The following LRRIQ3 variants were observed in gnomAD, a reference collection of about 807,000 sequenced individuals.
LRRIQ3 encodes the protein leucine-rich repeat and IQ domain-containing protein 3.
A neutral mutation model predicts 59.3 loss-of-function variants in LRRIQ3; 75 were observed. That is an observed-to-expected ratio of 1.26 (90% confidence interval 1.05 to 1.53). The LOEUF (loss-of-function observed/expected upper bound fraction) is 1.53. Ranked by LOEUF, LRRIQ3 falls within the 40% of genes most tolerant of loss-of-function variation. LRRIQ3 has a pLI of 0.00. For synonymous variants in LRRIQ3, 250 were observed against 231.3 expected (o/e 1.08, Z -0.73); for missense variants, 831 against 710.0 (o/e 1.17, Z -1.94).
At chr1:74,172,490 T>A (rs193144075) in intron 3 of LRRIQ3, among the ~76,000 whole-genome samples, 6 of 152,322 alleles carry the variant, frequency 3.9e-5, no homozygotes, top group Admixed American at 3.9e-4. Flanking sequence ...TTAATACTTA[T>A]ATGTGACTAT....
intron 6 of LRRIQ3, among the ~76,000 whole-genome samples, chr1:74,048,871 A>G (rs1370688814): frequency 3.9e-5 from 6 of 152,182 alleles, no homozygotes; most frequent in Non-Finnish European, 7.4e-5. Flanking sequence ...GTATTTACTA[A>G]GAAATGCACT....
intron 5 of LRRIQ3, among the ~76,000 whole-genome samples, chr1:74,107,598 A>G (rs1195032474): frequency 6.7e-6 from 1 of 149,572 alleles, no homozygotes; most frequent in Admixed American, 6.7e-5. Context: ...AAATAATAAA[A>G]TAAGAATAAT....
At chr1:74,071,087 T>C (rs1655014619) in intron 6 of LRRIQ3, among the ~76,000 whole-genome samples, 1 of 149,234 alleles carries the variant, frequency 6.7e-6, no homozygotes, top group Non-Finnish European at 1.5e-5. Flanking sequence ...AATTTTATAG[T>C]TATATATATA....
rs528504887 is a variant in LRRIQ3 at position 74,079,515 on chromosome 1, T to A, written c.868-4725A>T. Among the ~76,000 whole-genome samples the A allele has an allele frequency of 1.5e-4, 23 of 151,970 alleles. 1 individual carries two copies. In the South Asian group the frequency reaches 4.6e-3, roughly 30 times the overall value. On this transcript the variant is annotated intron_variant, in intron 5 of 7. Transcript: ENST00000354431. Reference sequence around the variant, plus strand: ...ATGAGAAATAGTCCTCCTCCTATTATTCTCTATCTCAACATCCTACTTGTT... The same window carrying A: ...ATGAGAAATAGTCCTCCTCCTATTAATCTCTATCTCAACATCCTACTTGTT...
chr1:74,062,491 T>C (rs891787652), intron 6 of LRRIQ3, among the ~76,000 whole-genome samples: 3 of 152,180 alleles, frequency 2.0e-5, no homozygotes, highest in Middle Eastern at 3.4e-3. Context: ...CAGAAAGCAG[T>C]TTGACAATTT....
At chr1:74,121,740 C>A (rs1429221262) in intron 4 of LRRIQ3, among the ~76,000 whole-genome samples, 2 of 114,942 alleles carry the variant, frequency 1.7e-5, no homozygotes, top group East Asian at 6.6e-4. Context: ...CCCCTCCCCC[C>A]ACCCCACAAC....
intron 7 of LRRIQ3, among the ~76,000 whole-genome samples, chr1:74,031,526 A>T (rs1235812949): frequency 1.4e-5 from 2 of 148,098 alleles, no homozygotes; most frequent in East Asian, 4.2e-4. Context: ...AAAACCAAAC[A>T]CCGCATGTTC....
intron 3 of LRRIQ3, among the ~76,000 whole-genome samples, chr1:74,172,026 G>A (rs1313257560): frequency 6.6e-6 from 1 of 151,876 alleles, no homozygotes; most frequent in Non-Finnish European, 1.5e-5. Context: ...TTATTGCTGA[G>A]TTTGTCTATC....
chr1:74,060,188 T>TTTCTTC (rs1322871460), intron 6 of LRRIQ3, among the ~76,000 whole-genome samples: 1,690 of 111,600 alleles, frequency 0.015, 69 homozygotes, highest in Admixed American at 0.019. Flanking sequence ...TCTTCTTCTT[T>TTTCTTC]TTCTTCTTCT....
At chr1:74,189,459 TA>T (rs1203223124) in intron 1 of LRRIQ3, among the ~76,000 whole-genome samples, 1 of 152,062 alleles carries the variant, frequency 6.6e-6, no homozygotes, top group Non-Finnish European at 1.5e-5. Flanking sequence ...TCCTTATCTG[TA>T]AAAAGAAGAT....
chr1:74,127,511 T>A (rs1646953428), intron 4 of LRRIQ3, among the ~76,000 whole-genome samples: 1 of 151,930 alleles, frequency 6.6e-6, no homozygotes, highest in African/African-American at 2.4e-5. Context: ...GAAGATACCA[T>A]GACCCTTGCA....
At chr1:74,059,322 G>A (rs901806481) in intron 6 of LRRIQ3, among the ~76,000 whole-genome samples, 1 of 146,502 alleles carries the variant, frequency 6.8e-6, no homozygotes, top group Non-Finnish European at 1.5e-5. Context: ...CCCAAGTTAA[G>A]GTTACAAAGG....
At position 74,182,868 on chromosome 1, in the gene LRRIQ3, T is replaced by C. The variant is rs769917961; in HGVS notation, c.250-7A>G. 7.2e-7 allele frequency: 1 copy of C among 1,387,280 alleles called. No individual in the cohort carries two copies. The highest frequency in any genetic ancestry group is 9.6e-7 in the Non-Finnish European group (1 of 1,045,766). The allele number at this position is 1,387,280 out of a possible 1,614,324, so 85.9% of individuals were successfully genotyped here. A position where few individuals can be genotyped will look rare whatever the true frequency, so the allele number is the denominator to read the frequency against. ...TATTTGGTAGACTCTTTATCTGAAA[T>C]ATTATTAAAAATCTTTTAAATTCCA... is the stretch of plus-strand genomic sequence containing the variant. On this transcript the variant is annotated splice_polypyrimidine_tract_variant and splice_region_variant and intron_variant, in intron 2 of 7. Coordinates refer to ENST00000354431, the MANE Select transcript of LRRIQ3 (RefSeq NM_001105659.2).
intron 6 of LRRIQ3, among the ~76,000 whole-genome samples, chr1:74,049,947 G>C (rs542833064): frequency 7.2e-6 from 1 of 138,358 alleles, no homozygotes; most frequent in Non-Finnish European, 1.5e-5. Context: ...TTTTTGAGAC[G>C]GAGTCTCACT....
rs11210426 is a variant in LRRIQ3 at position 74,165,114 on chromosome 1, G to A, written c.574-9248C>T. On this transcript the variant is annotated intron_variant, in intron 3 of 7. Coordinates refer to ENST00000354431, the MANE Select transcript of LRRIQ3 (RefSeq NM_001105659.2). The stretch of plus-strand genomic sequence containing the variant: ...AACTGATGCATCCCACTTTTTTCTT[G>A]TTTTTCTAAGTTCTTTTAACAATTC... Among the ~76,000 whole-genome samples, 233 of 151,168 alleles carry A rather than the reference G, an allele frequency of 1.5e-3. 1 individual carries two copies. The highest frequency in any genetic ancestry group is 5.1e-3 in the African/African-American group (213 of 41,392).
intron 6 of LRRIQ3, among the ~76,000 whole-genome samples, chr1:74,045,077 G>A (rs1215359469): frequency 6.6e-6 from 1 of 151,980 alleles, no homozygotes; most frequent in East Asian, 1.9e-4. Flanking sequence ...TTTCAAACAA[G>A]AGAAAAAGAG....
intron 4 of LRRIQ3, among the ~76,000 whole-genome samples, chr1:74,123,002 T>A (rs1215381095): frequency 6.6e-6 from 1 of 152,176 alleles, no homozygotes; most frequent in Non-Finnish European, 1.5e-5. Context: ...TTTTCTGGCC[T>A]GGGCCTATTT....
chr1:74,127,435 T>C (rs1646952401), intron 4 of LRRIQ3, among the ~76,000 whole-genome samples: 1 of 152,018 alleles, frequency 6.6e-6, no homozygotes, highest in Non-Finnish European at 1.5e-5. Flanking sequence ...CTTTCCTGTC[T>C]TCCTTTTAGT....
intron 6 of LRRIQ3, among the ~76,000 whole-genome samples, chr1:74,059,655 T>C (rs1213149844): frequency 6.6e-6 from 1 of 152,088 alleles, no homozygotes; most frequent in East Asian, 1.9e-4. Context: ...TTGTTTTTAT[T>C]TTTAAAGATC....
Sources: gnomAD v4.1 joint callset for allele counts (sites outside exome capture counted in the v4.1 genomes callset) on GRCh38, gnomAD v4.1.1 for gene constraint, MANE v1.5 for transcripts, NCBI Gene and HGNC (gene_info 2026-07-23, HGNC 2026-07-21) for gene names.